CCDC88A: variants seen among roughly 807,000 people sequenced by gnomAD.
The protein encoded by CCDC88A is coiled-coil and HOOK domain protein 88A, also known as girdin.
CCDC88A carries 54 observed loss-of-function variants against 234.3 expected under a neutral mutation model. The ratio of observed to expected loss-of-function variants is 0.23; its 90% CI spans 0.19 to 0.29. CCDC88A has a LOEUF of 0.29. Ranked by LOEUF, CCDC88A falls within the 10% of genes least tolerant of loss-of-function variation. CCDC88A has a pLI of 1.00. For missense variants in CCDC88A, 1,832 were observed against 2,123.4 expected (o/e 0.86, Z 2.70); for synonymous variants, 753 against 737.8 (o/e 1.02, Z -0.33).
intron 26 of CCDC88A, 122 bp from the exon 27 acceptor site, chr2:55,302,194 T>TA: frequency 1.4e-6 from 1 of 711,142 alleles, no homozygotes; most frequent in South Asian, 1.8e-5. Context: ...TAAAAAATTA[T>TA]AACCACATGG....
chr2:55,327,616 T>C (rs1431235488), intron 17 of CCDC88A, among the ~76,000 whole-genome samples: 3 of 152,222 alleles, frequency 2.0e-5, no homozygotes, highest in Non-Finnish European at 4.4e-5. Context: ...AGTAATCTTA[T>C]CAGTCTAAGT....
intron 12 of CCDC88A, 24 bp from the exon 13 acceptor site, chr2:55,339,672 T>C (rs368896174): frequency 4.5e-4 from 708 of 1,572,278 alleles, no homozygotes; most frequent in Non-Finnish European, 5.8e-4. Flanking sequence ...AAATACACCA[T>C]TGTATTTACT....
rs567930277 is a variant in CCDC88A at position 55,290,117 on chromosome 2, T to G, written c.*1083A>C. On this transcript the variant is annotated 3_prime_UTR_variant, in exon 33 of 33. Coordinates refer to ENST00000436346, the MANE Select transcript of CCDC88A (RefSeq NM_001365480.1). ...CCCTGGGTTAACTAAATCTATTTTT[T>G]TGTGCTTCTTCCAAATGTTTAAAGG... 52 of 152,682 alleles carry G rather than the reference T, an allele frequency of 3.4e-4. No individual in the cohort carries two copies. The highest frequency in any genetic ancestry group is 1.2e-3 in the African/African-American group (51 of 41,582). 9.5% of individuals were successfully genotyped at this position (152,682 alleles called of 1,614,324 possible). A position where few individuals can be genotyped will look rare whatever the true frequency, so the allele number is the denominator to read the frequency against.
intron 23 of CCDC88A, among the ~76,000 whole-genome samples, chr2:55,311,148 CAA>C (rs2104603697): frequency 6.6e-6 from 1 of 152,244 alleles, no homozygotes; most frequent in African/African-American, 2.4e-5. Context: ...ACTCAAATGC[CAA>C]AAGTTTTATA....
In CCDC88A at chr2:55,295,779, G is replaced by A; in HGVS notation, c.5369C>T (p.Ser1790Leu). 1 of 1,614,188 alleles carries A rather than the reference G, an allele frequency of 6.2e-7. No homozygotes were observed. The highest frequency in any genetic ancestry group is 8.5e-7 in the Non-Finnish European group (1 of 1,180,030). The change falls in exon 31 of 33, where the codon TCA (serine) becomes TTA (leucine). Residue 1790 changes from serine to leucine, a missense_variant. Around this residue, in one of 6 missense-constraint regions of CCDC88A, gnomAD observed 422 missense variants for 416.5 expected, o/e 1.01. Coordinates refer to ENST00000436346, the MANE Select transcript of CCDC88A (RefSeq NM_001365480.1). ...KIKLVKESSL[S>L]RQSKDSNPYA... is the part of the protein sequence containing the mutation. ...AGGGTTACTATCTTTTGATTGTCGT[G>A]ACAGAGAAGATTCTTTTACTAATTT...
At position 55,309,982 on chromosome 2, in the gene CCDC88A, G is replaced by A. The variant is rs1024468121; in HGVS notation, c.4080-728C>T. ...AATAAAATACTGTGCAAGTACAACA[G>A]GAAGGTAAATATATCCATCTTAGAT... On this transcript the variant is annotated intron_variant, in intron 23 of 32. Transcript: ENST00000436346. The surrounding 1 kb of genome is among the most constrained non-coding windows in gnomAD (Gnocchi z 5.1). 6.6e-6 allele frequency among the ~76,000 whole-genome samples: 1 copy of A among 152,022 alleles called. No homozygotes were observed. The highest frequency in any genetic ancestry group is 1.5e-5 in the Non-Finnish European group (1 of 68,018).
chr2:55,380,057 C>A, intron 3 of CCDC88A, among the ~76,000 whole-genome samples: 1 of 93,098 alleles, frequency 1.1e-5, no homozygotes. Context: ...AGCCCTGTCT[C>A]TACTAAAAAA....
At chr2:55,413,332 T>C (rs370861113) in intron 2 of CCDC88A, among the ~76,000 whole-genome samples, 43 of 152,272 alleles carry the variant, frequency 2.8e-4, no homozygotes, top group African/African-American at 1.0e-3. Flanking sequence ...ACTGGGGATA[T>C]AGTGGGTCAA....
At chr2:55,378,566 T>C (rs911996548) in intron 3 of CCDC88A, among the ~76,000 whole-genome samples, 3 of 149,292 alleles carry the variant, frequency 2.0e-5, no homozygotes, top group African/African-American at 7.4e-5. Flanking sequence ...TTAAAAACCT[T>C]AGAGTTAATG....
intron 2 of CCDC88A, chr2:55,404,191 T>C (rs1034817783): frequency 2.6e-5 from 4 of 152,202 alleles, no homozygotes; most frequent in Admixed American, 6.5e-5. Flanking sequence ...CCCTTTAAAA[T>C]GAGAGAAAAA....
At chr2:55,410,317 G>C (rs919514225) in intron 2 of CCDC88A, among the ~76,000 whole-genome samples, 1 of 152,142 alleles carries the variant, frequency 6.6e-6, no homozygotes, top group African/African-American at 2.4e-5. Context: ...ACGGGAGGAG[G>C]TTGGGCTTAA....
intron 5 of CCDC88A, among the ~76,000 whole-genome samples, chr2:55,371,030 G>C (rs918569946): frequency 6.6e-6 from 1 of 151,972 alleles, no homozygotes. Context: ...CCTTGGTTCT[G>C]CTCCATTCCT....
At chr2:55,350,597 A>G (rs1463649523) in intron 8 of CCDC88A, 2 of 147,080 alleles carry the variant, frequency 1.4e-5, no homozygotes, top group African/African-American at 4.9e-5. Flanking sequence ...CAAAACCATT[A>G]TATATTAATA....
chr2:55,401,335 A>G (rs1678585365), intron 2 of CCDC88A, among the ~76,000 whole-genome samples: 1 of 149,732 alleles, frequency 6.7e-6, no homozygotes, highest in Non-Finnish European at 1.5e-5. Context: ...GCAGGAGGCT[A>G]AGACAGGAGG....
chr2:55,323,584 T>C (rs1273877519), intron 17 of CCDC88A: 1 of 152,214 alleles, frequency 6.6e-6, no homozygotes, highest in Non-Finnish European at 1.5e-5. Context: ...TAACAATAGA[T>C]GAGTGGCATC....
intron 2 of CCDC88A, chr2:55,418,019 G>A (rs1283343122): frequency 6.6e-6 from 1 of 152,114 alleles, no homozygotes; most frequent in Non-Finnish European, 1.5e-5. Flanking sequence ...TACAATAGCT[G>A]TAATTAGATA....
At chr2:55,357,422 T>C (rs1429751631) in intron 7 of CCDC88A, among the ~76,000 whole-genome samples, 1 of 147,508 alleles carries the variant, frequency 6.8e-6, no homozygotes, top group Non-Finnish European at 1.5e-5. Flanking sequence ...TTCCCCTCCA[T>C]GGGACACAAA....
intron 7 of CCDC88A, among the ~76,000 whole-genome samples, chr2:55,359,853 T>C (rs1671064297): frequency 1.6e-5 from 1 of 62,058 alleles, no homozygotes; most frequent in Non-Finnish European, 3.1e-5. Flanking sequence ...ACATCAATGC[T>C]AACAACAAAA....
chr2:55,297,382 A>ATAT (rs1456997106), intron 29 of CCDC88A, among the ~76,000 whole-genome samples: 1 of 97,540 alleles, frequency 1.0e-5, no homozygotes, highest in Admixed American at 1.5e-4. Context: ...ATTATATATA[A>ATAT]ATATATATTA....
Sources: allele counts gnomAD v4.1 joint callset (sites outside exome capture counted in the v4.1 genomes callset), GRCh38; gene constraint gnomAD v4.1.1; regional missense constraint gnomAD v4.1.1; non-coding constraint Gnocchi (gnomAD v3.1); transcripts MANE v1.5; gene names NCBI Gene and HGNC (gene_info 2026-07-23, HGNC 2026-07-21).